The following LMAN2L variants were observed in gnomAD, a reference collection of about 807,000 sequenced individuals.
The protein encoded by LMAN2L is lectin, mannose binding 2 like, also known as VIP36-like protein.
Under a neutral mutation model 44.3 loss-of-function variants are expected in LMAN2L, and 30 were observed. The ratio of observed to expected loss-of-function variants is 0.68; its 90% CI spans 0.51 to 0.92. The LOEUF (loss-of-function observed/expected upper bound fraction) is 0.92. Among genes scored for constraint, LMAN2L ranks in the 40% least tolerant of loss-of-function variants. LMAN2L has a pLI of 0.00. For missense variants in LMAN2L, 429 were observed against 446.1 expected (o/e 0.96, Z 0.35); for synonymous variants, 183 against 171.1 (o/e 1.07, Z -0.54).
chr2:96,722,348 G>A (rs898620261), intron 4 of LMAN2L, among the ~76,000 whole-genome samples: 2 of 151,664 alleles, frequency 1.3e-5, no homozygotes, highest in Non-Finnish European at 2.9e-5. Flanking sequence ...AGAAATCAGC[G>A]GGAACCCTAA....
chr2:96,706,136 A>C lies in LMAN2L; in HGVS notation c.*1120T>G, dbSNP rs2077774272. On this transcript the variant is annotated 3_prime_UTR_variant, in exon 8 of 8. Transcript: ENST00000264963. ...CACTCAGGCTGTGCTGCTCAATGAC[A>C]GTGAACTCTTCCAGGCACAGATGAT... is the stretch of plus-strand genomic sequence containing the variant. 6.6e-6 allele frequency: 1 copy of C among 152,616 alleles called. No individual in the cohort carries two copies. Among genetic ancestry groups the C allele is most frequent in the Non-Finnish European group, 1.5e-5 (1 of 68,052 alleles). 9.5% of individuals were successfully genotyped at this position (152,616 alleles called of 1,614,324 possible). A position where few individuals can be genotyped will look rare whatever the true frequency, so the allele number is the denominator to read the frequency against.
chr2:96,733,712 C>A, intron 3 of LMAN2L, 111 bp from the exon 4 acceptor site: 1 of 824,584 alleles, frequency 1.2e-6, no homozygotes, highest in Non-Finnish European at 2.0e-6. Context: ...TCCCAAGCCT[C>A]TCTCAAGATG....
intron 4 of LMAN2L, among the ~76,000 whole-genome samples, chr2:96,731,967 C>A (rs1386332298): frequency 6.6e-6 from 1 of 151,868 alleles, no homozygotes; most frequent in African/African-American, 2.4e-5. Flanking sequence ...CCCACCTCAG[C>A]CTCCCAAGTA....
At chr2:96,739,071 T>G (rs186997028) in intron 1 of LMAN2L, among the ~76,000 whole-genome samples, 221 of 152,336 alleles carry the variant, frequency 1.5e-3, no homozygotes, top group African/African-American at 5.2e-3. Flanking sequence ...ATCCTTAAAG[T>G]GTGAAGCTAC....
intron 6 of LMAN2L, 36 bp from the exon 7 acceptor site, chr2:96,707,869 T>C: frequency 2.5e-6 from 4 of 1,607,414 alleles, no homozygotes; most frequent in Non-Finnish European, 3.4e-6. Context: ...CTTGTGCCAC[T>C]TGAAAAAGAG....
In LMAN2L at chr2:96,706,342, C is replaced by G. The variant is rs2077778606; in HGVS notation, c.*914G>C. On this transcript the variant is annotated 3_prime_UTR_variant, in exon 8 of 8. Transcript: ENST00000264963. ...AAAATCGTAACTACAAAACATGCAG[C>G]TAAGCAGGCTCTAGCAAGTCCAGAA... is the stretch of plus-strand genomic sequence containing the variant. The G allele has an allele frequency of 6.6e-6, 1 of 152,256 alleles. No individual in the cohort carries two copies. 9.4% of individuals were successfully genotyped at this position (152,256 alleles called of 1,614,324 possible).
chr2:96,722,216 C>T (rs2078173010), intron 4 of LMAN2L, among the ~76,000 whole-genome samples: 1 of 152,116 alleles, frequency 6.6e-6, no homozygotes, highest in Non-Finnish European at 1.5e-5. Context: ...GATCCGCCCA[C>T]CTTGGCCTCC....
chr2:96,717,659 G>A (rs866073116), intron 4 of LMAN2L, among the ~76,000 whole-genome samples: 1 of 151,806 alleles, frequency 6.6e-6, no homozygotes, highest in East Asian at 1.9e-4. Flanking sequence ...GACCAACACG[G>A]AGAAACCCCG....
At chr2:96,731,855 T>A (rs549312445) in intron 4 of LMAN2L, among the ~76,000 whole-genome samples, 1 of 151,574 alleles carries the variant, frequency 6.6e-6, no homozygotes, top group African/African-American at 2.4e-5. Context: ...GTTCAAGCCA[T>A]TCTCCTGACT....
chr2:96,724,537 GCT>G (rs2078227043), intron 4 of LMAN2L, among the ~76,000 whole-genome samples: 1 of 152,118 alleles, frequency 6.6e-6, no homozygotes, highest in African/African-American at 2.4e-5. Context: ...ACAGGGTCTT[GCT>G]CTGTTACTGA....
At chr2:96,719,416 TAA>T (rs77227525) in intron 4 of LMAN2L, among the ~76,000 whole-genome samples, 43,537 of 151,602 alleles carry the variant, frequency 0.29, 6,748 homozygotes, top group Non-Finnish European at 0.32. Context: ...CTGCCAACAG[TAA>T]AGAGACCACT....
intron 4 of LMAN2L, among the ~76,000 whole-genome samples, chr2:96,732,363 T>C (rs2078418217): frequency 6.7e-6 from 1 of 150,168 alleles, no homozygotes; most frequent in Non-Finnish European, 1.5e-5. Context: ...AAGAAAGCAA[T>C]AGCCGGGCAT....
In LMAN2L at chr2:96,725,194, G is replaced by A. The variant is rs988078086; in HGVS notation, c.507+8325C>T. 4.6e-5 allele frequency among the ~76,000 whole-genome samples: 7 copies of A among 152,028 alleles called. 1 individual carries two copies. The highest frequency in any genetic ancestry group is 1.4e-4 in the African/African-American group (6 of 41,384). On this transcript the variant is annotated intron_variant, in intron 4 of 7. Transcript: ENST00000264963. ...AGGATGGTCTTGATCTCCTGACCTC[G>A]TGATCTACCCGTCTCAGCCTCCCAA...
At chr2:96,739,595 T>C (rs779210075) in intron 1 of LMAN2L, among the ~76,000 whole-genome samples, 1 of 152,132 alleles carries the variant, frequency 6.6e-6, no homozygotes, top group African/African-American at 2.4e-5. Flanking sequence ...AAACTCCTCC[T>C]GTCTAACTCC....
rs754441748 is a variant in LMAN2L at position 96,718,017 on chromosome 2, G to A, written c.508-5992C>T. Among the ~76,000 whole-genome samples, 59 of 151,998 alleles carry A rather than the reference G, an allele frequency of 3.9e-4. 1 individual carries two copies. Among genetic ancestry groups the A allele is most frequent in the South Asian group, 1.0e-3 (5 of 4,810 alleles). On this transcript the variant is annotated intron_variant, in intron 4 of 7. Transcript: ENST00000264963. The stretch of plus-strand genomic sequence containing the variant: ...GTCCTCCAGGCTGGAGTGCAATGGC[G>A]CGATCTCGGCTCACTGCAACCTCCA...
Position 96,707,230 on chromosome 2 carries a change from C to A in LMAN2L, c.*26G>T. Reference sequence around the variant, plus strand: ...CCTTCCATACCTCATGGGTGACAGTCACAAAAGTGGTGGCAGCAGGAGGGC... The same window carrying A: ...CCTTCCATACCTCATGGGTGACAGTAACAAAAGTGGTGGCAGCAGGAGGGC... On this transcript the variant is annotated 3_prime_UTR_variant, in exon 8 of 8. Transcript: ENST00000264963. The A allele has an allele frequency of 6.2e-7, 1 of 1,611,136 alleles. No individual in the cohort carries two copies. The highest frequency in any genetic ancestry group is 1.1e-5 in the South Asian group (1 of 90,638).
chr2:96,729,130 C>G (rs1228013195), intron 4 of LMAN2L, among the ~76,000 whole-genome samples: 1 of 151,782 alleles, frequency 6.6e-6, no homozygotes, highest in Non-Finnish European at 1.5e-5. Context: ...TGAGATCGCA[C>G]CACTGCACTC....
chr2:96,713,219 A>T (rs2077966965), intron 4 of LMAN2L: 1 of 1,256,914 alleles, frequency 8.0e-7, no homozygotes. Flanking sequence ...ACACAGCCAC[A>T]GAAGAGCTAT....
chr2:96,726,736 A>T (rs1403195445), intron 4 of LMAN2L, among the ~76,000 whole-genome samples: 1 of 151,898 alleles, frequency 6.6e-6, no homozygotes, highest in African/African-American at 2.4e-5. Flanking sequence ...GTGGGCAGAG[A>T]TCATGCCACT....
Sources: gnomAD v4.1 joint callset for allele counts (sites outside exome capture counted in the v4.1 genomes callset) on GRCh38, gnomAD v4.1.1 for gene constraint, MANE v1.5 for transcripts, NCBI Gene and HGNC (gene_info 2026-07-23, HGNC 2026-07-21) for gene names.